Variants in SGCD observed in about 807,000 individuals in gnomAD.
SGCD encodes the protein sarcoglycan delta, also known as delta-sarcoglycan.
A neutral mutation model predicts 36.6 loss-of-function variants in SGCD; 18 were observed. The observed-to-expected ratio is 0.49, with a 90% CI of 0.34 to 0.73. SGCD has a LOEUF of 0.73. Among genes scored for constraint, SGCD ranks in the 30% least tolerant of loss-of-function variants. SGCD has a pLI of 0.01. For missense variants in SGCD, 387 were observed against 346.7 expected, an observed-to-expected ratio of 1.12 and a Z score of -0.92; for synonymous variants, 133 against 130.6, an observed-to-expected ratio of 1.02 and a Z score of -0.12.
chr5:156,293,857 A>G (rs1372607881), intron 3 of SGCD, among the ~76,000 whole-genome samples: 1 of 152,190 alleles, frequency 6.6e-6, no homozygotes, highest in Non-Finnish European at 1.5e-5. Flanking sequence ...AAGAAAGAAA[A>G]GAAAAGAAAA....
At chr5:156,504,638 G>C (rs1187648064) in intron 3 of SGCD, among the ~76,000 whole-genome samples, 1 of 151,966 alleles carries the variant, frequency 6.6e-6, no homozygotes, top group Non-Finnish European at 1.5e-5. Flanking sequence ...AACTGACATG[G>C]TGACGAACAA....
At chr5:156,058,050 C>A (rs1760104469) in intron 1 of SGCD, among the ~76,000 whole-genome samples, 1 of 146,090 alleles carries the variant, frequency 6.8e-6, no homozygotes, top group Non-Finnish European at 1.5e-5. Context: ...ATGAAATAAT[C>A]TACAGAATGA....
At chr5:156,495,602 TC>T (rs1756149020) in intron 3 of SGCD, among the ~76,000 whole-genome samples, 1 of 152,170 alleles carries the variant, frequency 6.6e-6, no homozygotes, top group South Asian at 2.1e-4. Flanking sequence ...TTAATATCAC[TC>T]AGGCCAGCAT....
rs557416100 is a variant in SGCD at position 156,029,629 on chromosome 5, G to A, written c.-281-88249G>A. On this transcript the variant is annotated intron_variant, in intron 1 of 9. Transcript: ENST00000517913. Reference sequence around the variant, plus strand: ...TCTCAGAAACAGAATTTAGAAGCCAGCCAGGGAGTAATAAACTAGCAGGAA... The same window carrying A: ...TCTCAGAAACAGAATTTAGAAGCCAACCAGGGAGTAATAAACTAGCAGGAA... Among the ~76,000 whole-genome samples the A allele has an allele frequency of 5.3e-5, 8 of 152,254 alleles. No individual in the cohort carries two copies. The East Asian group carries it at 1.5e-3, about 29-fold the overall frequency.
chr5:155,806,388 C>T, the SGCD span, among the ~76,000 whole-genome samples: 2 of 152,138 alleles, frequency 1.3e-5, no homozygotes, highest in African/African-American at 4.8e-5. Flanking sequence ...CTCCTGACCT[C>T]GTGATCCACC....
chr5:155,872,632 G>C (rs1755678984), intron 1 of SGCD, among the ~76,000 whole-genome samples: 2 of 152,096 alleles, frequency 1.3e-5, no homozygotes, highest in South Asian at 4.1e-4. Flanking sequence ...CTATTGAATA[G>C]CTTGGCTATC....
At chr5:156,071,644 G>A (rs1179078722) in intron 1 of SGCD, among the ~76,000 whole-genome samples, 2 of 152,146 alleles carry the variant, frequency 1.3e-5, no homozygotes, top group Admixed American at 6.5e-5. Flanking sequence ...ATGTCTATTA[G>A]GTCCGCTTGG....
chr5:156,570,349 A>G (rs892458509), intron 4 of SGCD, among the ~76,000 whole-genome samples: 29 of 152,344 alleles, frequency 1.9e-4, no homozygotes, highest in African/African-American at 6.0e-4. Context: ...CTAGTTAAAT[A>G]TGAGCATTCA....
At chr5:155,895,605 T>G (rs950595608) in intron 1 of SGCD, among the ~76,000 whole-genome samples, 14 of 152,074 alleles carry the variant, frequency 9.2e-5, no homozygotes, top group Admixed American at 6.6e-4. Flanking sequence ...TAAATACATT[T>G]GGACCTAATT....
intron 1 of SGCD, among the ~76,000 whole-genome samples, chr5:156,084,398 A>G (rs1761044105): frequency 6.6e-6 from 1 of 152,140 alleles, no homozygotes; most frequent in Admixed American, 6.6e-5. Flanking sequence ...CTGCATGTTC[A>G]TTGTTGGTAT....
intron 3 of SGCD, among the ~76,000 whole-genome samples, chr5:156,131,258 T>G (rs1013805909): frequency 6.6e-6 from 1 of 152,212 alleles, no homozygotes. Flanking sequence ...TAAAGAGCTC[T>G]GGTGTGAGAC....
At chr5:156,184,341 G>T (rs907763959) in intron 3 of SGCD, among the ~76,000 whole-genome samples, 1 of 150,114 alleles carries the variant, frequency 6.7e-6, no homozygotes, top group Non-Finnish European at 1.5e-5. Flanking sequence ...CCTGTGAAGT[G>T]GGGATATGAG....
chr5:155,800,706 C>T, the SGCD span, among the ~76,000 whole-genome samples: 2 of 151,950 alleles, frequency 1.3e-5, no homozygotes, highest in East Asian at 1.9e-4. Context: ...CAGATCTTTG[C>T]GCAGTTTGGG....
chr5:156,164,997 T>C (rs577474333), intron 3 of SGCD, among the ~76,000 whole-genome samples: 1 of 152,352 alleles, frequency 6.6e-6, no homozygotes, highest in South Asian at 2.1e-4. Context: ...GCCAATGAAA[T>C]GAATTAAAGA....
rs2113206841 is a variant in SGCD, at chr5:156,764,605, A to G, written c.*5215A>G. ...TAGAGCATACATGTAAAAGAAAATA[A>G]CCTTTTTGGGGCAACTCATGCTCAC... On this transcript the variant is annotated 3_prime_UTR_variant, in exon 9 of 9. Transcript: ENST00000337851. 6.6e-6 allele frequency: 1 copy of G among 152,522 alleles called. No individual in the cohort carries two copies. Among genetic ancestry groups the G allele is most frequent in the Middle Eastern group, 3.4e-3 (1 of 294 alleles). The allele number at this position is 152,522 out of a possible 1,614,324, so 9.4% of individuals were successfully genotyped here. A position where few individuals can be genotyped will look rare whatever the true frequency, so the allele number is the denominator to read the frequency against.
At chr5:155,807,873 C>G in the SGCD span, among the ~76,000 whole-genome samples, 1 of 152,188 alleles carries the variant, frequency 6.6e-6, no homozygotes, top group African/African-American at 2.4e-5. Context: ...TTCAGCTTAC[C>G]TTGGGGTAGG....
chr5:156,561,220 C>T (rs1451004592), intron 4 of SGCD, among the ~76,000 whole-genome samples: 1 of 152,158 alleles, frequency 6.6e-6, no homozygotes, highest in Non-Finnish European at 1.5e-5. Flanking sequence ...TTTCCTAACC[C>T]TAGCCCTCAG....
intron 3 of SGCD, among the ~76,000 whole-genome samples, chr5:156,429,853 C>G (rs1469662855): frequency 6.6e-6 from 1 of 152,114 alleles, no homozygotes; most frequent in Non-Finnish European, 1.5e-5. Flanking sequence ...GACCCAAAGT[C>G]CTTCTGGCTT....
the SGCD span, among the ~76,000 whole-genome samples, chr5:155,826,481 C>A: frequency 1.3e-5 from 2 of 152,220 alleles, no homozygotes; most frequent in Non-Finnish European, 2.9e-5. Context: ...ACTCTTCCCA[C>A]TGTGGCTCCA....
Sources: gnomAD v4.1 joint callset for allele counts (sites outside exome capture counted in the v4.1 genomes callset) on GRCh38, gnomAD v4.1.1 for gene constraint, MANE v1.5 for transcripts, NCBI Gene and HGNC (gene_info 2026-07-23, HGNC 2026-07-21) for gene names.